FGF5: variants seen among roughly 807,000 people sequenced by gnomAD.
The protein encoded by FGF5 is heparin-binding growth factor 5.
In FGF5, 23 loss-of-function variants were observed where a neutral mutation model predicts 21.8. The ratio of observed to expected loss-of-function variants is 1.05; its 90% CI spans 0.76 to 1.49. The LOEUF is 1.49. Among genes scored for constraint, FGF5 ranks in the 40% most tolerant of loss-of-function variants. FGF5 has a pLI of 0.00. For synonymous variants in FGF5, 158 were observed against 124.0 expected (o/e 1.27, Z -1.82); for missense variants, 352 against 332.9 (o/e 1.06, Z -0.45).
intron 2 of FGF5, among the ~76,000 whole-genome samples, chr4:80,276,202 G>C (rs1471434821): frequency 1.3e-5 from 2 of 151,900 alleles, no homozygotes; most frequent in Non-Finnish European, 2.9e-5. Context: ...TGTGTTATAA[G>C]TGCTCAATAA....
At chr4:80,280,181 G>C (rs1720513893) in intron 2 of FGF5, among the ~76,000 whole-genome samples, 1 of 152,110 alleles carries the variant, frequency 6.6e-6, no homozygotes, top group African/African-American at 2.4e-5. Flanking sequence ...ATATTTTTTT[G>C]CCCTCTAAGA....
At chr4:80,284,145 C>T (rs1720642367) in intron 2 of FGF5, among the ~76,000 whole-genome samples, 1 of 152,076 alleles carries the variant, frequency 6.6e-6, no homozygotes, top group Non-Finnish European at 1.5e-5. Flanking sequence ...TTTATAATAC[C>T]TGCCTTCGGC....
intron 1 of FGF5, among the ~76,000 whole-genome samples, chr4:80,267,486 G>T (rs1180984002): frequency 6.6e-6 from 1 of 152,126 alleles, no homozygotes; most frequent in Non-Finnish European, 1.5e-5. Flanking sequence ...GCCATGACAG[G>T]AGAGAACAAA....
rs200286054 is a variant in FGF5, at chr4:80,266,969, A to G, written c.145A>G (p.Ser49Gly). 48 of 1,614,096 alleles carry G rather than the reference A, an allele frequency of 3.0e-5. No homozygotes were observed. The highest frequency in any genetic ancestry group is 3.7e-5 in the Non-Finnish European group (44 of 1,180,050). Residue 49 changes from serine (S) to glycine (G), a missense_variant, in exon 1 of 3, where the codon AGC becomes GGC. Physicochemically the swap from Ser to Gly is moderately conservative, Grantham distance 56 (BLOSUM62 0). Coordinates refer to ENST00000312465, the MANE Select transcript of FGF5 (RefSeq NM_004464.4). ...CCCTAGAGGCTCCAGCAGCAGACAG[A>G]GCAGCAGTAGCGCTATGTCTTCCTC... ...RNPRGSSSRQ[S>G]SSSAMSSSSA...
chr4:80,284,821 A>T (rs1459723931), intron 2 of FGF5, among the ~76,000 whole-genome samples: 1 of 152,218 alleles, frequency 6.6e-6, no homozygotes, highest in East Asian at 1.9e-4. Flanking sequence ...GTTTGGCATT[A>T]TTAGAAAAAA....
Position 80,286,697 on chromosome 4 carries a change from C to T in FGF5, c.*25C>T. On this transcript the variant is annotated 3_prime_UTR_variant, in exon 3 of 3. Transcript: ENST00000312465. ...ATATTCCTCTTGGCCTTGTGAGAAA[C>T]CATTCTTTCCCCTCAGGAGTTTCTA... 1 of 1,577,578 alleles carries T rather than the reference C, an allele frequency of 6.3e-7. No individual in the cohort carries two copies. Among genetic ancestry groups the T allele is most frequent in the South Asian group, 1.1e-5 (1 of 89,714 alleles).
Position 80,266,980 on chromosome 4 carries a change from C to G in FGF5, c.156C>G (p.Ser52Arg). The change falls in exon 1 of 3, where the codon AGC becomes AGG. Residue 52 changes from serine to arginine, a missense_variant. Physicochemically the swap from Ser to Arg is moderately radical, Grantham distance 110. Transcript: ENST00000312465. ...RGSSSRQSSSSAMSSSSASSS... is the reference protein window; with the variant it reads ...RGSSSRQSSSRAMSSSSASSS... ...CCAGCAGCAGACAGAGCAGCAGTAGCGCTATGTCTTCCTCTTCTGCCTCCT... is the reference window on the plus strand; with the variant it reads ...CCAGCAGCAGACAGAGCAGCAGTAGGGCTATGTCTTCCTCTTCTGCCTCCT... 1 of 1,614,214 alleles carries G rather than the reference C, an allele frequency of 6.2e-7. No individual in the cohort carries two copies. The highest frequency in any genetic ancestry group is 1.1e-5 in the South Asian group (1 of 91,088).
intron 2 of FGF5, among the ~76,000 whole-genome samples, chr4:80,276,464 C>T (rs892279492): frequency 2.0e-5 from 3 of 151,876 alleles, no homozygotes; most frequent in Non-Finnish European, 4.4e-5. Context: ...TTCTGCATCA[C>T]TGTGAAAAAA....
rs563100424 is a variant in FGF5, at chr4:80,274,178, A to G, written c.356-731A>G. Among the ~76,000 whole-genome samples, 3 of 152,268 alleles carry G rather than the reference A, an allele frequency of 2.0e-5. No homozygotes were observed. The South Asian group carries it at 6.2e-4, about 32-fold the overall frequency. On this transcript the variant is annotated intron_variant, in intron 1 of 2. Coordinates refer to ENST00000312465, the MANE Select transcript of FGF5 (RefSeq NM_004464.4). ...AAATTACTGTAGGAGACAGAGGGAC[A>G]TTGACTTCATAATGCTAACTATAAA...
rs148094888 is a variant in FGF5, at chr4:80,268,762, C to T, written c.355+1583C>T. Among the ~76,000 whole-genome samples, 268 of 152,328 alleles carry T rather than the reference C, an allele frequency of 1.8e-3. 1 individual carries two copies. Among genetic ancestry groups the T allele is most frequent in the African/African-American group, 5.9e-3 (245 of 41,576 alleles). ...CTGGAGCGCCCAGCTGGAGAGAGGG[C>T]CCTCCGCACACGCACCAGCGAGTCC... On this transcript the variant is annotated intron_variant, in intron 1 of 2. Transcript: ENST00000312465.
At chr4:80,271,783 G>A (rs1049240611) in intron 1 of FGF5, among the ~76,000 whole-genome samples, 13 of 152,064 alleles carry the variant, frequency 8.5e-5, no homozygotes, top group African/African-American at 1.9e-4. Context: ...TTTAATATGC[G>A]TGACTCCCGA....
Position 80,266,814 on chromosome 4 carries a change from C to G in FGF5, c.-11C>G. 6.4e-7 allele frequency: 1 copy of G among 1,564,380 alleles called. No homozygotes were observed. The highest frequency in any genetic ancestry group is 8.6e-7 in the Non-Finnish European group (1 of 1,157,146). On this transcript the variant is annotated 5_prime_UTR_variant, in exon 1 of 3. Coordinates refer to ENST00000312465, the MANE Select transcript of FGF5 (RefSeq NM_004464.4). ...CTACAAGATGCACTTAGGACCCCCGCGGCTGGAAGAATGAGCTTGTCCTTC... is the reference window on the plus strand; with the variant it reads ...CTACAAGATGCACTTAGGACCCCCGGGGCTGGAAGAATGAGCTTGTCCTTC...
chr4:80,286,521 T>G lies in FGF5; in HGVS notation c.656T>G (p.Phe219Cys), dbSNP rs750644694. 4 of 1,613,980 alleles carry G rather than the reference T, an allele frequency of 2.5e-6. No homozygotes were observed. In the South Asian group the frequency reaches 4.4e-5, roughly 18 times the overall value. The change falls in exon 3 of 3, where the codon TTC becomes TGC. Residue 219 changes from phenylalanine to cysteine, a missense_variant. Phe to Cys is a radical substitution (Grantham distance 205, BLOSUM62 -2). Coordinates refer to ENST00000312465, the MANE Select transcript of FGF5 (RefSeq NM_004464.4). ...ATCTCTACCCATTTTCTGCCAAGAT[T>G]CAAGCAGTCGGAGCAGCCAGAACTT... Reference protein sequence around the residue: ...QHISTHFLPRFKQSEQPELSF... With the variant: ...QHISTHFLPRCKQSEQPELSF...
At chr4:80,282,146 C>T (rs1412430175) in intron 2 of FGF5, among the ~76,000 whole-genome samples, 1 of 151,970 alleles carries the variant, frequency 6.6e-6, no homozygotes, top group Non-Finnish European at 1.5e-5. Context: ...ATTTTTAGTA[C>T]AGACAGGGTT....
At chr4:80,276,557 C>T (rs558349114) in intron 2 of FGF5, among the ~76,000 whole-genome samples, 1 of 151,462 alleles carries the variant, frequency 6.6e-6, no homozygotes, top group Non-Finnish European at 1.5e-5. Context: ...TGAAAAAGTT[C>T]TTTAGTGGTG....
chr4:80,267,249 T>C (rs551775076), intron 1 of FGF5, 70 bp downstream of exon 1: 15 of 1,268,610 alleles, frequency 1.2e-5, no homozygotes, highest in Non-Finnish European at 1.4e-5. Flanking sequence ...ACAGCAGGTA[T>C]TCGCCGGGAC....
At chr4:80,271,447 A>C (rs1720269821) in intron 1 of FGF5, among the ~76,000 whole-genome samples, 1 of 152,168 alleles carries the variant, frequency 6.6e-6, no homozygotes, top group African/African-American at 2.4e-5. Flanking sequence ...ACCCTCTTAA[A>C]TGGGAACACC....
chr4:80,280,280 C>G (rs1321605323), intron 2 of FGF5, among the ~76,000 whole-genome samples: 1 of 152,206 alleles, frequency 6.6e-6, no homozygotes, highest in Non-Finnish European at 1.5e-5. Flanking sequence ...GCCAGTTTCC[C>G]CTCAGTTTTG....
chr4:80,271,480 T>C (rs1202888798), intron 1 of FGF5, among the ~76,000 whole-genome samples: 1 of 152,194 alleles, frequency 6.6e-6, no homozygotes, highest in Non-Finnish European at 1.5e-5. Flanking sequence ...ACACACTGTC[T>C]GTAGCACTTT....
Sources: gnomAD v4.1 joint callset for allele counts (sites outside exome capture counted in the v4.1 genomes callset) on GRCh38, gnomAD v4.1.1 for gene constraint, MANE v1.5 for transcripts, NCBI Gene and HGNC (gene_info 2026-07-23, HGNC 2026-07-21) for gene names.